The following PTPRD variants were observed in gnomAD, a reference collection of about 807,000 sequenced individuals.
PTPRD encodes receptor-type tyrosine-protein phosphatase delta.
PTPRD carries 34 observed loss-of-function variants against 214.5 expected under a neutral mutation model. The observed-to-expected ratio is 0.16, with a 90% confidence interval of 0.12 to 0.21. The LOEUF (loss-of-function observed/expected upper bound fraction) is 0.21, where lower values mean the gene tolerates loss of function less well. PTPRD is among the 10% of genes least tolerant of loss of function. The pLI is 1.00. For missense variants in PTPRD, 2,545 were observed against 2,398.7 expected, an observed-to-expected ratio of 1.06 and a Z score of -1.27; for synonymous variants, 1,128 against 845.7, an observed-to-expected ratio of 1.33 and a Z score of -5.79.
At chr9:9,109,409 C>A (rs2099802991) in intron 10 of PTPRD, among the ~76,000 whole-genome samples, 2 of 152,182 alleles carry the variant, frequency 1.3e-5, no homozygotes, top group South Asian at 4.1e-4. Context: ...TGCCTATGAA[C>A]TGTTTGATCT....
intron 4 of PTPRD, among the ~76,000 whole-genome samples, chr9:9,963,036 G>A (rs1052912838): frequency 6.6e-6 from 1 of 151,804 alleles, no homozygotes; most frequent in Non-Finnish European, 1.5e-5. Context: ...GTATTTAAAG[G>A]TTATCTGACA....
chr9:9,310,255 A>C (rs1203188669), intron 9 of PTPRD, among the ~76,000 whole-genome samples: 1 of 152,126 alleles, frequency 6.6e-6, no homozygotes, highest in African/African-American at 2.4e-5. Context: ...GAAGCATATT[A>C]GCATGTGCCA....
In PTPRD at chr9:10,522,274, T is replaced by G. The variant is rs571062949; in HGVS notation, c.-600+90124A>C. 2.0e-5 allele frequency among the ~76,000 whole-genome samples: 3 copies of G among 152,182 alleles called. No individual in the cohort carries two copies. In the East Asian group the frequency reaches 5.8e-4, roughly 29 times the overall value. ...GCCAGGGCCAATATCTGCAAAAACT[T>G]GGGGCAGTAAAATATGAGGCTCTGA... On this transcript the variant is annotated intron_variant, in intron 2 of 45. Coordinates refer to ENST00000381196, the MANE Select transcript of PTPRD (RefSeq NM_002839.4).
intron 3 of PTPRD, among the ~76,000 whole-genome samples, chr9:10,194,834 A>G (rs2099391031): frequency 6.6e-6 from 1 of 152,108 alleles, no homozygotes; most frequent in African/African-American, 2.4e-5. Context: ...TATACTTTTT[A>G]AGGATCATTT....
chr9:9,275,819 CTGTGTGTGTGTGTATGTGTGTGTGTGTG>C (rs1945390095), intron 9 of PTPRD, among the ~76,000 whole-genome samples: 1 of 147,326 alleles, frequency 6.8e-6, no homozygotes, highest in East Asian at 2.2e-4. Flanking sequence ...AGCGAAACAG[CTGTGTGTGTGTGTATGTGTGTGTGTGTG>C]TGTGTGTGTG....
chr9:10,349,498 C>A (rs562715413), intron 2 of PTPRD, among the ~76,000 whole-genome samples: 1 of 152,092 alleles, frequency 6.6e-6, no homozygotes, highest in African/African-American at 2.4e-5. Context: ...CAGACACATA[C>A]ACAAAAATGC....
chr9:8,666,359 G>A (rs761337416), intron 12 of PTPRD, among the ~76,000 whole-genome samples: 44 of 152,062 alleles, frequency 2.9e-4, no homozygotes, highest in Non-Finnish European at 5.1e-4. Context: ...TTAGAGATCT[G>A]CTTACTATTC....
chr9:9,528,949 T>G (rs587796), intron 8 of PTPRD, among the ~76,000 whole-genome samples: 48,360 of 149,696 alleles, frequency 0.32, 8,416 homozygotes, highest in Non-Finnish European at 0.38. Context: ...TTTTTTTTTT[T>G]TTTTTTTGAG....
intron 9 of PTPRD, among the ~76,000 whole-genome samples, chr9:9,303,944 T>C (rs1056455037): frequency 1.3e-5 from 2 of 152,152 alleles, no homozygotes; most frequent in Non-Finnish European, 2.9e-5. Context: ...AAAAGACAGA[T>C]TGCATTACGG....
At chr9:8,660,534 C>A (rs2154353744) in intron 12 of PTPRD, among the ~76,000 whole-genome samples, 1 of 152,252 alleles carries the variant, frequency 6.6e-6, no homozygotes, top group East Asian at 1.9e-4. Flanking sequence ...TGATCTTTGG[C>A]TCCCATTTTC....
intron 6 of PTPRD, among the ~76,000 whole-genome samples, chr9:9,748,815 A>T (rs1337919234): frequency 6.6e-6 from 1 of 152,236 alleles, no homozygotes; most frequent in African/African-American, 2.4e-5. Flanking sequence ...ACCTCTGGAA[A>T]TGTAATAATG....
intron 2 of PTPRD, among the ~76,000 whole-genome samples, chr9:10,544,516 A>T (rs902464589): frequency 6.6e-6 from 1 of 152,196 alleles, no homozygotes; most frequent in African/African-American, 2.4e-5. Flanking sequence ...CAATAATGGG[A>T]TAAAGCAATT....
chr9:9,760,828 T>C (rs1275942588), intron 6 of PTPRD, among the ~76,000 whole-genome samples: 1 of 151,998 alleles, frequency 6.6e-6, no homozygotes, highest in Non-Finnish European at 1.5e-5. Context: ...GAAATGCAAA[T>C]TAAAAATATT....
intron 12 of PTPRD, among the ~76,000 whole-genome samples, chr9:8,645,628 A>G (rs1355227153): frequency 6.6e-6 from 1 of 152,132 alleles, no homozygotes; most frequent in Non-Finnish European, 1.5e-5. Flanking sequence ...GCACACTGAC[A>G]GACAGGAACA....
At chr9:10,376,956 G>C (rs973922204) in intron 2 of PTPRD, among the ~76,000 whole-genome samples, 4 of 151,782 alleles carry the variant, frequency 2.6e-5, no homozygotes, top group African/African-American at 9.7e-5. Flanking sequence ...AATTGTTATT[G>C]ACTATAGTCA....
intron 4 of PTPRD, among the ~76,000 whole-genome samples, chr9:9,960,007 C>T (rs1478357053): frequency 6.6e-6 from 1 of 152,048 alleles, no homozygotes; most frequent in Non-Finnish European, 1.5e-5. Context: ...AAATGGCAGA[C>T]AGTAGCAACA....
Position 8,485,996 on chromosome 9 carries a change from G to C in PTPRD, c.2821C>G (p.Pro941Ala), listed in dbSNP as rs61733170. Residue 941 changes from proline (P) to alanine (A), a missense_variant, in exon 28 of 46, where the codon CCA (proline) becomes GCA (alanine). Coordinates refer to ENST00000381196, the MANE Select transcript of PTPRD (RefSeq NM_002839.4). Reference sequence around the variant, plus strand: ...CCATTTCTCTCTGCCAGGACAGGTGGTTGCCAAGATAACTGGACGGAGGTT... The same window carrying C: ...CCATTTCTCTCTGCCAGGACAGGTGCTTGCCAAGATAACTGGACGGAGGTT... ...TSTSVQLSWQ[P>A]PVLAERNGII... The C allele has an allele frequency of 8.2e-4, 1,325 of 1,614,200 alleles. 10 individuals carry two copies. The African/African-American group carries it at 0.016, about 19-fold the overall frequency.
chr9:10,088,065 T>C (rs2098378370), intron 3 of PTPRD, among the ~76,000 whole-genome samples: 1 of 151,772 alleles, frequency 6.6e-6, no homozygotes, highest in African/African-American at 2.4e-5. Flanking sequence ...TATTTATGTA[T>C]TCATCCATTC....
intron 11 of PTPRD, among the ~76,000 whole-genome samples, chr9:9,000,670 T>C (rs1239759250): frequency 1.3e-5 from 2 of 151,962 alleles, no homozygotes; most frequent in Non-Finnish European, 2.9e-5. Context: ...AATTGATGAA[T>C]TCTACCTTAG....
Sources: allele counts gnomAD v4.1 joint callset (sites outside exome capture counted in the v4.1 genomes callset), GRCh38; gene constraint gnomAD v4.1.1; transcripts MANE v1.5; gene names NCBI Gene and HGNC (gene_info 2026-07-23, HGNC 2026-07-21).